Variants in SLC66A2 observed in about 807,000 individuals in gnomAD.
The protein encoded by SLC66A2 is solute carrier family 66 member 2.
In SLC66A2, 23 loss-of-function variants were observed where a neutral mutation model predicts 25.5. The ratio of observed to expected loss-of-function variants is 0.90; its 90% CI spans 0.65 to 1.28. The LOEUF is 1.28. Ranked by LOEUF, SLC66A2 falls within the 50% of genes most tolerant of loss-of-function variation. The pLI is 0.00. For synonymous variants in SLC66A2, 193 were observed against 166.5 expected (o/e 1.16, Z -1.23); for missense variants, 396 against 373.1 (o/e 1.06, Z -0.51).
In SLC66A2 at chr18:79,909,474, C is replaced by T. The variant is rs998279978; in HGVS notation, c.609-5291G>A. Among the ~76,000 whole-genome samples, 9 of 151,472 alleles carry T rather than the reference C, an allele frequency of 5.9e-5. No homozygotes were observed. In the East Asian group the frequency reaches 1.4e-3, roughly 23 times the overall value. On this transcript the variant is annotated intron_variant, in intron 5 of 5. Transcript: ENST00000397778. Reference sequence around the variant, plus strand: ...ACCTTCCCCACAACCTCACCAGAGTCCCCAACCTTCCCCACAACCTCACCA... The same window carrying T: ...ACCTTCCCCACAACCTCACCAGAGTTCCCAACCTTCCCCACAACCTCACCA...
rs1484781013 is a variant in SLC66A2 at position 79,902,738 on chromosome 18, TGCCTGTTGGA to T, written c.*1228_*1237del. 2 of 152,332 alleles carry T rather than the reference TGCCTGTTGGA, an allele frequency of 1.3e-5. No individual in the cohort carries two copies. Among genetic ancestry groups the T allele is most frequent in the Non-Finnish European group, 2.9e-5 (2 of 68,130 alleles). The allele number at this position is 152,332 out of a possible 1,614,324, so 9.4% of individuals were successfully genotyped here. A position where few individuals can be genotyped will look rare whatever the true frequency, so the allele number is the denominator to read the frequency against. ...CCTCCACCTGCGGAAGGGAAGACGATGCCTGTTGGAGCCGCACGGAAGCATCCAGAACTCT... is the reference window on the plus strand; with the variant it reads ...CCTCCACCTGCGGAAGGGAAGACGATGCCGCACGGAAGCATCCAGAACTCT... On this transcript the variant is annotated 3_prime_UTR_variant, in exon 6 of 6. Coordinates refer to ENST00000397778, the MANE Select transcript of SLC66A2 (RefSeq NM_025078.5).
Position 79,904,387 on chromosome 18 carries a change from ACCCAGGGGTCAGGGACAC to A in SLC66A2, c.609-222_609-205del, listed in dbSNP as rs552314827. 2.0e-5 allele frequency among the ~76,000 whole-genome samples: 3 copies of A among 151,618 alleles called. No individual in the cohort carries two copies. Among genetic ancestry groups the A allele is most frequent in the African/African-American group, 7.3e-5 (3 of 41,260 alleles). ...GAGGGGACACCCAGTCTACAGGGTG[ACCCAGGGGTCAGGGACAC>A]CCCAGGGGGCCAAAGGACACACCCT... On this transcript the variant is annotated intron_variant, in intron 5 of 5. Transcript: ENST00000397778. The surrounding 1 kb of genome is among the most constrained non-coding windows in gnomAD (Gnocchi z 6.3).
chr18:79,911,444 G>C (rs933548426), intron 5 of SLC66A2, among the ~76,000 whole-genome samples: 3 of 152,256 alleles, frequency 2.0e-5, no homozygotes, highest in African/African-American at 7.2e-5. Context: ...TCAGACGGGG[G>C]CCGGCAGGAC....
At chr18:79,945,128 G>C (rs2050885012) in intron 2 of SLC66A2, 1 of 152,538 alleles carries the variant, frequency 6.6e-6, no homozygotes. Flanking sequence ...TCCACTTGCA[G>C]GTGAGGCTCC....
chr18:79,946,841 C>A (rs1418509992), intron 2 of SLC66A2, among the ~76,000 whole-genome samples: 1 of 152,156 alleles, frequency 6.6e-6, no homozygotes, highest in Non-Finnish European at 1.5e-5. Flanking sequence ...CAGTGGGCGC[C>A]TGTAATCCCA....
intron 5 of SLC66A2, among the ~76,000 whole-genome samples, chr18:79,914,464 C>A (rs1236355998): frequency 1.3e-5 from 2 of 152,026 alleles, no homozygotes; most frequent in African/African-American, 4.8e-5. Flanking sequence ...GGTGGTCTGA[C>A]AGCAGGAAGT....
rs766618228 is a variant in SLC66A2 at position 79,927,839 on chromosome 18, G to A, written c.391+6130C>T. Among the ~76,000 whole-genome samples the A allele has an allele frequency of 4.6e-4, 70 of 152,338 alleles. No homozygotes were observed. The highest frequency in any genetic ancestry group is 7.5e-4 in the Non-Finnish European group (51 of 68,040). On this transcript the variant is annotated intron_variant, in intron 4 of 5. Transcript: ENST00000397778. The surrounding 1 kb of genome is among the most constrained non-coding windows in gnomAD (Gnocchi z 6.2). Reference sequence around the variant, plus strand: ...GGTGTCCGCGTCCCAACCCAAGGCTGCCCAGACAGACAAGCGCTCACCGCC... The same window carrying A: ...GGTGTCCGCGTCCCAACCCAAGGCTACCCAGACAGACAAGCGCTCACCGCC...
At chr18:79,911,341 C>T (rs1343642534) in intron 5 of SLC66A2, among the ~76,000 whole-genome samples, 1 of 152,254 alleles carries the variant, frequency 6.6e-6, no homozygotes, top group South Asian at 2.1e-4. Flanking sequence ...GGCTGGCCCA[C>T]GCCCCGTGAG....
chr18:79,947,716 G>A (rs1400769589), intron 2 of SLC66A2, among the ~76,000 whole-genome samples: 4 of 146,406 alleles, frequency 2.7e-5, no homozygotes, highest in African/African-American at 5.0e-5. Context: ...CTGGGGTTGT[G>A]TGTGATGCAT....
intron 2 of SLC66A2, chr18:79,944,751 C>G (rs1312669501): frequency 6.6e-6 from 1 of 152,634 alleles, no homozygotes; most frequent in Non-Finnish European, 1.5e-5. Flanking sequence ...ATAACAGCCT[C>G]ATTTCCCAAC....
In SLC66A2 at chr18:79,937,214, T is replaced by C. The variant is rs1351667251; in HGVS notation, c.338-3192A>G. On this transcript the variant is annotated intron_variant, in intron 3 of 5. Transcript: ENST00000397778. This position sits in a 1 kb window ranked among gnomAD's most constrained non-coding sequence, Gnocchi z 5.4. Reference sequence around the variant, plus strand: ...CTGTGTCCCAGATACCAGAGCTCCTTGGAGAAACGACGGATTCTAGGTCTG... The same window carrying C: ...CTGTGTCCCAGATACCAGAGCTCCTCGGAGAAACGACGGATTCTAGGTCTG... 2.6e-5 allele frequency among the ~76,000 whole-genome samples: 4 copies of C among 152,102 alleles called. No individual in the cohort carries two copies. Among genetic ancestry groups the C allele is most frequent in the Non-Finnish European group, 5.9e-5 (4 of 68,024 alleles).
At chr18:79,951,211 G>GGGGGCTGGGGAGGGGTCCC (rs1568347669) in intron 1 of SLC66A2, among the ~76,000 whole-genome samples, 186 bp from the exon 2 acceptor site, 1 of 151,810 alleles carries the variant, frequency 6.6e-6, no homozygotes, top group African/African-American at 2.4e-5. Context: ...CGCTCCCGGA[G>GGGGGCTGGGGAGGGGTCCC]GGGGCTGGGG....
At chr18:79,949,038 G>A (rs57350537) in intron 2 of SLC66A2, among the ~76,000 whole-genome samples, 2,788 of 152,294 alleles carry the variant, frequency 0.018, 69 homozygotes, top group African/African-American at 0.059. Context: ...CTCAGATGCA[G>A]CCTGGCCCAG....
At chr18:79,929,711 T>A (rs1054072742) in intron 4 of SLC66A2, among the ~76,000 whole-genome samples, 1 of 151,860 alleles carries the variant, frequency 6.6e-6, no homozygotes, top group Non-Finnish European at 1.5e-5. Flanking sequence ...AAAGAAAATA[T>A]GATGACAACA....
chr18:79,943,425 T>C lies in SLC66A2; in HGVS notation c.241A>G (p.Ser81Gly). 1 of 1,614,144 alleles carries C rather than the reference T, an allele frequency of 6.2e-7. No individual in the cohort carries two copies. Reference protein sequence around the residue: ...RRFESPLLWQSAIMILTMLLM... With the variant: ...RRFESPLLWQGAIMILTMLLM... The stretch of plus-strand genomic sequence containing the variant: ...AGCATGGTCAGGATCATGATGGCGC[T>C]CTGCCACAGCAGCGGGGACTCAAAG... Residue 81 changes from serine to glycine, a missense_variant, in exon 3 of 6, where the codon AGC (serine) becomes GGC (glycine). Physicochemically the swap from Ser to Gly is moderately conservative, Grantham distance 56 (BLOSUM62 0). Coordinates refer to ENST00000397778, the MANE Select transcript of SLC66A2 (RefSeq NM_025078.5).
rs1377492263 is a variant in SLC66A2 at position 79,941,418 on chromosome 18, C to A, written c.337+1911G>T. The A allele has an allele frequency of 6.6e-6, 1 of 152,246 alleles. No homozygotes were observed. The highest frequency in any genetic ancestry group is 2.1e-4 in the South Asian group (1 of 4,832). The allele number at this position is 152,246 out of a possible 1,614,324, so 9.4% of individuals were successfully genotyped here. On this transcript the variant is annotated intron_variant, in intron 3 of 5. Transcript: ENST00000397778. The surrounding 1 kb of genome is among the most constrained non-coding windows in gnomAD (Gnocchi z 4.1). ...GTCACAGGTTCCCAGGATCAGGGCA[C>A]GGACGTCTCCAGGGGCCATTATTCT...
intron 5 of SLC66A2, among the ~76,000 whole-genome samples, chr18:79,907,630 C>T (rs965887930): frequency 2.6e-5 from 4 of 152,110 alleles, no homozygotes; most frequent in African/African-American, 9.7e-5. Context: ...GGATTACAGG[C>T]GTGAGCCACC....
In SLC66A2 at chr18:79,940,621, A is replaced by G. The variant is rs1281875624; in HGVS notation, c.337+2708T>C. On this transcript the variant is annotated intron_variant, in intron 3 of 5. Coordinates refer to ENST00000397778, the MANE Select transcript of SLC66A2 (RefSeq NM_025078.5). This position sits in a 1 kb window ranked among gnomAD's most constrained non-coding sequence, Gnocchi z 4.1. ...TGCAGGAGCTACCGATCGGGCGGCC[A>G]GAAGCCAGAGCTTTCAGTCTGAACT... 2.6e-5 allele frequency among the ~76,000 whole-genome samples: 4 copies of G among 152,134 alleles called. No individual in the cohort carries two copies. Among genetic ancestry groups the G allele is most frequent in the Admixed American group, 2.6e-4 (4 of 15,276 alleles).
rs944528231 is a variant in SLC66A2 at position 79,940,002 on chromosome 18, T to C, written c.337+3327A>G. Among the ~76,000 whole-genome samples the C allele has an allele frequency of 6.6e-6, 1 of 152,236 alleles. No homozygotes were observed. The highest frequency in any genetic ancestry group is 1.5e-5 in the Non-Finnish European group (1 of 68,036). On this transcript the variant is annotated intron_variant, in intron 3 of 5. Coordinates refer to ENST00000397778, the MANE Select transcript of SLC66A2 (RefSeq NM_025078.5). This position sits in a 1 kb window ranked among gnomAD's most constrained non-coding sequence, Gnocchi z 4.1. ...AATGAAAATCATCTAGATTTTCTTC[T>C]GGATGAAGCAAATGTGGTACGTATA... is the stretch of plus-strand genomic sequence containing the variant.
Sources: gnomAD v4.1 joint callset for allele counts (sites outside exome capture counted in the v4.1 genomes callset) on GRCh38, gnomAD v4.1.1 for gene constraint, Gnocchi (gnomAD v3.1) non-coding constraint, MANE v1.5 for transcripts, NCBI Gene and HGNC (gene_info 2026-07-23, HGNC 2026-07-21) for gene names.